Variants in RAI1 observed in about 807,000 individuals in gnomAD.
RAI1 encodes retinoic acid induced 1.
Under a neutral mutation model 123.8 loss-of-function variants are expected in RAI1, and 9 were observed. The observed-to-expected ratio is 0.07, with a 90% CI of 0.04 to 0.13. RAI1 has a LOEUF of 0.13. Among genes scored for constraint, RAI1 ranks in the 10% least tolerant of loss-of-function variants. The pLI is 1.00. For missense variants in RAI1, 2,256 were observed against 2,545.8 expected (o/e 0.89, Z 2.45); for synonymous variants, 1,231 against 1,127.3 (o/e 1.09, Z -1.84).
Position 17,696,298 on chromosome 17 carries a change from A to G in RAI1, c.-149+14505A>G, listed in dbSNP as rs183666237. ...TTAATAGCTTTTTTCTCACTATAAA[A>G]GGAGGACAGGCTTATTATAGACTTT... On this transcript the variant is annotated intron_variant, in intron 1 of 5. Coordinates refer to ENST00000353383, the MANE Select transcript of RAI1 (RefSeq NM_030665.4). 6.5e-3 allele frequency among the ~76,000 whole-genome samples: 995 copies of G among 152,210 alleles called. 8 individuals carry two copies. Among genetic ancestry groups the G allele is most frequent in the Non-Finnish European group, 7.7e-3 (521 of 68,004 alleles).
At chr17:17,700,692 G>A (rs1183026803) in intron 1 of RAI1, among the ~76,000 whole-genome samples, 2 of 152,090 alleles carry the variant, frequency 1.3e-5, no homozygotes, top group Non-Finnish European at 2.9e-5. Flanking sequence ...CTCGTCCGCC[G>A]AGGCCGCAGT....
intron 3 of RAI1, among the ~76,000 whole-genome samples, chr17:17,803,323 T>C (rs2032521832): frequency 6.6e-6 from 1 of 152,118 alleles, no homozygotes; most frequent in Admixed American, 6.5e-5. Context: ...TCAAGCACCA[T>C]TTTGGAGAAG....
chr17:17,763,923 A>G (rs1235960778), intron 2 of RAI1, among the ~76,000 whole-genome samples: 1 of 152,266 alleles, frequency 6.6e-6, no homozygotes, highest in African/African-American at 2.4e-5. Flanking sequence ...GGCAGACAGA[A>G]CAACAGCCAT....
intron 2 of RAI1, among the ~76,000 whole-genome samples, chr17:17,773,248 T>G (rs1172303364): frequency 6.6e-6 from 1 of 152,174 alleles, no homozygotes; most frequent in East Asian, 1.9e-4. Context: ...TGTAAAATGG[T>G]CAGCTCAGCT....
In RAI1 at chr17:17,797,640, G is replaced by A. The variant is rs768601591; in HGVS notation, c.4692G>A (p.Gln1564=). The change falls in exon 3 of 6, where the codon CAG becomes CAA. Residue 1564 remains glutamine, a synonymous_variant. Coordinates refer to ENST00000353383, the MANE Select transcript of RAI1 (RefSeq NM_030665.4). Reference sequence around the variant, plus strand: ...GTGCCAAGCGACGACGACAGCAGCAGGTGCTGCCCCTGGATCCCGCAGAGC... The same window carrying A: ...GTGCCAAGCGACGACGACAGCAGCAAGTGCTGCCCCTGGATCCCGCAGAGC... The part of the protein sequence containing the change: ...KGRAKRRRQQ[Q]VLPLDPAEPE... 55 of 1,613,780 alleles carry A rather than the reference G, an allele frequency of 3.4e-5. No homozygotes were observed. Among genetic ancestry groups the A allele is most frequent in the Non-Finnish European group, 3.3e-5 (39 of 1,180,032 alleles).
intron 1 of RAI1, among the ~76,000 whole-genome samples, chr17:17,716,398 G>A (rs1256091659): frequency 6.6e-6 from 1 of 152,246 alleles, no homozygotes; most frequent in African/African-American, 2.4e-5. Context: ...ATGTATACAT[G>A]TGTATATGTG....
intron 2 of RAI1, among the ~76,000 whole-genome samples, chr17:17,745,076 A>C (rs750462514): frequency 1.8e-4 from 27 of 152,072 alleles, no homozygotes; most frequent in Non-Finnish European, 3.2e-4. Flanking sequence ...TGGGCCTGTA[A>C]AGTGATGATG....
chr17:17,739,621 A>T (rs1916552255), intron 2 of RAI1, among the ~76,000 whole-genome samples: 1 of 152,180 alleles, frequency 6.6e-6, no homozygotes, highest in Non-Finnish European at 1.5e-5. Flanking sequence ...CAGACACCGC[A>T]TCCCCACCAC....
At chr17:17,789,306 G>A (rs2031933171) in intron 2 of RAI1, among the ~76,000 whole-genome samples, 1 of 152,360 alleles carries the variant, frequency 6.6e-6, no homozygotes, top group East Asian at 1.9e-4. Context: ...TCTGTAAAGG[G>A]GGAGGAGAGA....
chr17:17,785,673 C>T (rs2142999942), intron 2 of RAI1, among the ~76,000 whole-genome samples: 1 of 152,350 alleles, frequency 6.6e-6, no homozygotes, highest in Non-Finnish European at 1.5e-5. Flanking sequence ...CCTCTCTGCA[C>T]CTCCTTTCCA....
Position 17,810,177 on chromosome 17 carries a change from A to G in RAI1, c.*196A>G, listed in dbSNP as rs909619102. ...CTTGCGGCCCCGGGTTGGGAGGAAA[A>G]CCCGTTCCGGAGCCGCCTGCTCCCG... On this transcript the variant is annotated 3_prime_UTR_variant, in exon 6 of 6. Transcript: ENST00000353383. This position sits in a 1 kb window ranked among gnomAD's most constrained non-coding sequence, Gnocchi z 4.6. 1 of 774,552 alleles carries G rather than the reference A, an allele frequency of 1.3e-6. No homozygotes were observed. Among genetic ancestry groups the G allele is most frequent in the Admixed American group, 3.1e-5 (1 of 31,996 alleles). The allele number at this position is 774,552 out of a possible 1,614,324, so 48.0% of individuals were successfully genotyped here. A position where few individuals can be genotyped will look rare whatever the true frequency, so the allele number is the denominator to read the frequency against.
chr17:17,794,817 CAA>C lies in RAI1; in HGVS notation c.1871_1872del (p.Lys624SerfsTer4), dbSNP rs1269885701. The C allele has an allele frequency of 6.2e-7, 1 of 1,613,040 alleles. No individual in the cohort carries two copies. Among genetic ancestry groups the C allele is most frequent in the Non-Finnish European group, 8.5e-7 (1 of 1,180,026 alleles). ...AGGAAGCCATCGGTGAGAAGGCCGA[CAA>C]AGCTTGGGCTGAAGCACCCAGCCTG... ...LQEAIGEKAD[K>X]AWAEAPSLVK... is the part of the protein sequence containing the mutation. On this transcript the variant is annotated frameshift_variant, in exon 3 of 6. Transcript: ENST00000353383. LOFTEE classifies it high-confidence loss of function.
intron 1 of RAI1, among the ~76,000 whole-genome samples, chr17:17,718,215 G>A (rs569504146): frequency 1.3e-5 from 2 of 152,224 alleles, no homozygotes; most frequent in South Asian, 4.1e-4. Context: ...ATGGGTCGGG[G>A]TGGGTGGGCC....
chr17:17,751,657 G>C (rs919174697), intron 2 of RAI1, among the ~76,000 whole-genome samples: 1 of 152,166 alleles, frequency 6.6e-6, no homozygotes, highest in African/African-American at 2.4e-5. Flanking sequence ...TACTGCCTTG[G>C]GCCTTTGCAC....
chr17:17,795,918 G>A lies in RAI1; in HGVS notation c.2970G>A (p.Glu990=). ...AVPEAPIAKK[E]PVPRGKSLRS... ...CCGAGGCGCCCATCGCAAAGAAAGAGCCTGTGCCACGGGGCAAAAGCTTAC... is the reference window on the plus strand; with the variant it reads ...CCGAGGCGCCCATCGCAAAGAAAGAACCTGTGCCACGGGGCAAAAGCTTAC... Residue 990 remains glutamate (E), a synonymous_variant, in exon 3 of 6, where the codon GAG becomes GAA. Transcript: ENST00000353383. This position sits in a 1 kb window ranked among gnomAD's most constrained non-coding sequence, Gnocchi z 5.9. 1.2e-6 allele frequency: 2 copies of A among 1,610,298 alleles called. No homozygotes were observed. Among genetic ancestry groups the A allele is most frequent in the South Asian group, 2.2e-5 (2 of 91,066 alleles).
rs745379131 is a variant in RAI1 at position 17,796,608 on chromosome 17, T to C, written c.3660T>C (p.His1220=). 1.2e-5 allele frequency: 20 copies of C among 1,612,130 alleles called. No homozygotes were observed. Among genetic ancestry groups the C allele is most frequent in the East Asian group, 6.7e-5 (3 of 44,894 alleles). ...GCAAGCTCTCTGACCGGCCCCTCCATGCGCTCAAAAGGAAGTCGGCCTTCA... is the reference window on the plus strand; with the variant it reads ...GCAAGCTCTCTGACCGGCCCCTCCACGCGCTCAAAAGGAAGTCGGCCTTCA... ...AGSKLSDRPL[H]ALKRKSAFMA... The change falls in exon 3 of 6, where the codon CAT becomes CAC. Residue 1220 remains histidine, a synonymous_variant. Transcript: ENST00000353383. This position sits in a 1 kb window ranked among gnomAD's most constrained non-coding sequence, Gnocchi z 5.8.
intron 4 of RAI1, among the ~76,000 whole-genome samples, chr17:17,804,519 C>G (rs1012244371): frequency 6.6e-6 from 1 of 152,186 alleles, no homozygotes; most frequent in Non-Finnish European, 1.5e-5. Flanking sequence ...GGTGGGGAAA[C>G]TGAGGCTCAG....
chr17:17,794,745 C>A lies in RAI1; in HGVS notation c.1797C>A (p.Leu599=), dbSNP rs373388618. 1.3e-5 allele frequency: 21 copies of A among 1,612,416 alleles called. No homozygotes were observed. The highest frequency in any genetic ancestry group is 1.7e-5 in the Non-Finnish European group (20 of 1,180,038). The change falls in exon 3 of 6, where the codon CTC becomes CTA. Residue 599 remains leucine (L), a synonymous_variant. Coordinates refer to ENST00000353383, the MANE Select transcript of RAI1 (RefSeq NM_030665.4). ...AGCGGGACTGTCCGCGGCTGCTGCTCAGCGCCCTGGCACAGGAGGACCTGG... is the reference window on the plus strand; with the variant it reads ...AGCGGGACTGTCCGCGGCTGCTGCTAAGCGCCCTGGCACAGGAGGACCTGG... ...AGERDCPRLL[L]SALAQEDLAS... is the part of the protein sequence containing the mutation.
intron 2 of RAI1, among the ~76,000 whole-genome samples, chr17:17,750,935 G>A (rs1412536506): frequency 6.6e-6 from 1 of 152,150 alleles, no homozygotes; most frequent in African/African-American, 2.4e-5. Context: ...TCTGGGCCAG[G>A]GCTCAGCACT....
Sources: allele counts gnomAD v4.1 joint callset (sites outside exome capture counted in the v4.1 genomes callset), GRCh38; gene constraint gnomAD v4.1.1; non-coding constraint Gnocchi (gnomAD v3.1); transcripts MANE v1.5; gene names NCBI Gene and HGNC (gene_info 2026-07-23, HGNC 2026-07-21).